Variants in QRICH1 observed in about 807,000 individuals in gnomAD.
QRICH1 encodes the protein transcriptional regulator QRICH1.
In QRICH1, 16 loss-of-function variants were observed where a neutral mutation model predicts 87.1. The ratio of observed to expected loss-of-function variants is 0.18; its 90% CI spans 0.12 to 0.28. The LOEUF (loss-of-function observed/expected upper bound fraction) is 0.28. Among genes scored for constraint, QRICH1 ranks in the 10% least tolerant of loss-of-function variants. The pLI is 1.00. For missense variants in QRICH1, 647 were observed against 951.7 expected (o/e 0.68, Z 4.21); for synonymous variants, 367 against 368.4 (o/e 1.00, Z 0.05).
intron 6 of QRICH1, among the ~76,000 whole-genome samples, chr3:49,037,391 C>T (rs2093282198): frequency 6.6e-6 from 1 of 152,200 alleles, no homozygotes; most frequent in Non-Finnish European, 1.5e-5. Context: ...CTAGTTTCTT[C>T]CATGAATATA....
At chr3:49,069,612 A>G (rs2093489543) in intron 2 of QRICH1, among the ~76,000 whole-genome samples, 1 of 136,162 alleles carries the variant, frequency 7.3e-6, no homozygotes, top group South Asian at 2.3e-4. Flanking sequence ...CCTCTTCAGT[A>G]GCTGGGATTA....
intron 2 of QRICH1, among the ~76,000 whole-genome samples, chr3:49,070,481 C>A (rs1469560513): frequency 6.6e-6 from 1 of 152,152 alleles, no homozygotes; most frequent in African/African-American, 2.4e-5. Context: ...GCACTTTTGC[C>A]CAGGATGGAG....
chr3:49,088,349 C>G (rs1423100575), intron 1 of QRICH1, among the ~76,000 whole-genome samples: 2 of 152,104 alleles, frequency 1.3e-5, no homozygotes, highest in Non-Finnish European at 2.9e-5. Context: ...GGATGGAGTG[C>G]AATGGCATCA....
chr3:49,076,665 A>G (rs891356782), intron 2 of QRICH1, 44 bp downstream of exon 2: 5 of 1,430,072 alleles, frequency 3.5e-6, no homozygotes, highest in Admixed American at 2.4e-5. Flanking sequence ...CTGACAACAA[A>G]TAAAGTACAT....
intron 9 of QRICH1, 77 bp from the exon 10 acceptor site, chr3:49,030,721 G>A (rs923589661): frequency 1.6e-6 from 2 of 1,278,050 alleles, no homozygotes; most frequent in Admixed American, 5.7e-5. Context: ...CCAGACAGAT[G>A]CTGTCTGCAA....
rs2093409618 is a variant in QRICH1, at chr3:49,057,506, C to T, written c.694G>A (p.Gly232Arg). The T allele has an allele frequency of 6.2e-7, 1 of 1,613,356 alleles. No homozygotes were observed. Among genetic ancestry groups the T allele is most frequent in the Non-Finnish European group, 8.5e-7 (1 of 1,179,612 alleles). Residue 232 changes from glycine (G) to arginine (R), a missense_variant, in exon 3 of 10, where the codon GGG (glycine) becomes AGG (arginine). Gly to Arg is a moderately radical substitution (Grantham distance 125, BLOSUM62 -2). Around this residue, in one of 7 missense-constraint regions of QRICH1, gnomAD observed 75 missense variants for 141.0 expected, o/e 0.53. Transcript: ENST00000395443. The surrounding 1 kb of genome is among the most constrained non-coding windows in gnomAD (Gnocchi z 5.4). ...PPSQQGSPRE[G>R]ERRVGTASVL... is the part of the protein sequence containing the mutation. Reference sequence around the variant, plus strand: ...CTGGCCGTGCCAACCCGCCGCTCCCCTTCCCGGGGTGAGCCCTGCTGGGAT... The same window carrying T: ...CTGGCCGTGCCAACCCGCCGCTCCCTTTCCCGGGGTGAGCCCTGCTGGGAT...
chr3:49,076,639 C>T, intron 2 of QRICH1, 70 bp downstream of exon 2: 1 of 1,334,194 alleles, frequency 7.5e-7, no homozygotes, highest in Non-Finnish European at 1.0e-6. Context: ...ATGTGATGAG[C>T]CCACTAACTA....
In QRICH1 at chr3:49,057,186, G is replaced by A. The variant is rs558954411; in HGVS notation, c.1014C>T (p.Asn338=). 45 of 1,614,206 alleles carry A rather than the reference G, an allele frequency of 2.8e-5. No individual in the cohort carries two copies. Among genetic ancestry groups the A allele is most frequent in the South Asian group, 3.3e-5 (3 of 91,082 alleles). ...THIAIPQEAY[N]AVHVSGSPTA... is the part of the protein sequence containing the mutation. The stretch of plus-strand genomic sequence containing the variant: ...TGGGTGAGCCACTGACGTGAACTGC[G>A]TTGTAGGCTTCCTGGGGAATGGCAA... The change falls in exon 3 of 10, where the codon AAC becomes AAT. Residue 338 remains asparagine, a synonymous_variant. Coordinates refer to ENST00000395443, the MANE Select transcript of QRICH1 (RefSeq NM_198880.3). The surrounding 1 kb of genome is among the most constrained non-coding windows in gnomAD (Gnocchi z 5.4).
chr3:49,038,764 C>T lies in QRICH1; in HGVS notation c.1787-5536G>A, dbSNP rs144018291. ...AGTATGAGCCGGGCTCCGTAGTTCA[C>T]GCCTGTAATCCTAGCACTTTGGGAG... On this transcript the variant is annotated intron_variant, in intron 6 of 9. Coordinates refer to ENST00000395443, the MANE Select transcript of QRICH1 (RefSeq NM_198880.3). 7.0e-3 allele frequency among the ~76,000 whole-genome samples: 1,066 copies of T among 152,274 alleles called. 16 individuals carry two copies. The highest frequency in any genetic ancestry group is 0.024 in the African/African-American group (997 of 41,572).
chr3:49,031,496 G>A (rs1181136864), intron 9 of QRICH1, among the ~76,000 whole-genome samples: 1 of 152,108 alleles, frequency 6.6e-6, no homozygotes, highest in East Asian at 1.9e-4. Flanking sequence ...AAAATGGGCA[G>A]GAAAAGTATT....
Position 49,057,957 on chromosome 3 carries a change from AAAG to A in QRICH1, c.310-70_310-68del, listed in dbSNP as rs1161401737. ...CTGAAAATCCAGTACCCAAGGAAAG[AAAG>A]AAAAGAGATCCCAGACAGGGGACCT... On this transcript the variant is annotated intron_variant, in intron 2 of 9. Coordinates refer to ENST00000395443, the MANE Select transcript of QRICH1 (RefSeq NM_198880.3). The surrounding 1 kb of genome is among the most constrained non-coding windows in gnomAD (Gnocchi z 5.4). 1 of 1,611,986 alleles carries A rather than the reference AAAG, an allele frequency of 6.2e-7. No homozygotes were observed. Among genetic ancestry groups the A allele is most frequent in the Non-Finnish European group, 8.5e-7 (1 of 1,179,746 alleles).
intron 6 of QRICH1, among the ~76,000 whole-genome samples, chr3:49,035,365 C>A (rs1203338970): frequency 6.6e-6 from 1 of 152,296 alleles, no homozygotes; most frequent in Admixed American, 6.5e-5. Flanking sequence ...AGCCACCATG[C>A]CTGGCCTTCC....
chr3:49,032,875 C>A (rs1351414316), intron 7 of QRICH1, 102 bp from the exon 8 acceptor site: 3 of 1,388,876 alleles, frequency 2.2e-6, no homozygotes, highest in Non-Finnish European at 2.9e-6. Flanking sequence ...TGCCCACATT[C>A]CCAAGATCTG....
At chr3:49,058,847 C>T (rs1028247744) in intron 2 of QRICH1, among the ~76,000 whole-genome samples, 1 of 151,756 alleles carries the variant, frequency 6.6e-6, no homozygotes, top group Non-Finnish European at 1.5e-5. Flanking sequence ...AGGCTGGTCT[C>T]GAACTCCCGA....
intron 6 of QRICH1, among the ~76,000 whole-genome samples, chr3:49,037,166 T>C (rs1254344050): frequency 1.4e-5 from 2 of 146,840 alleles, no homozygotes; most frequent in East Asian, 2.0e-4. Context: ...TTGCAACCCA[T>C]AAAGAATCAA....
chr3:49,038,353 G>A (rs1229010642), intron 6 of QRICH1, among the ~76,000 whole-genome samples: 1 of 151,906 alleles, frequency 6.6e-6, no homozygotes, highest in African/African-American at 2.4e-5. Context: ...GAGCCACTGC[G>A]CCCAGCCTAA....
chr3:49,088,151 C>A (rs1423721281), intron 1 of QRICH1, among the ~76,000 whole-genome samples: 1 of 151,882 alleles, frequency 6.6e-6, no homozygotes, highest in African/African-American at 2.4e-5. Context: ...GAGAAAGTTT[C>A]ACCGTGCTAG....
intron 1 of QRICH1, among the ~76,000 whole-genome samples, chr3:49,078,584 A>T (rs2041998046): frequency 7.0e-6 from 1 of 143,686 alleles, no homozygotes; most frequent in Admixed American, 7.1e-5. Context: ...TTTAGTAGAG[A>T]CGAGGTTTCC....
intron 1 of QRICH1, among the ~76,000 whole-genome samples, chr3:49,085,009 GTT>G (rs1410763327): frequency 7.3e-5 from 11 of 150,916 alleles, no homozygotes. Context: ...CGGGTGTGGT[GTT>G]GGGCGCCTGT....
Sources: gnomAD v4.1 joint callset for allele counts (sites outside exome capture counted in the v4.1 genomes callset) on GRCh38, gnomAD v4.1.1 for gene constraint, gnomAD v4.1.1 regional missense constraint, Gnocchi (gnomAD v3.1) non-coding constraint, MANE v1.5 for transcripts, NCBI Gene and HGNC (gene_info 2026-07-23, HGNC 2026-07-21) for gene names.